KRABD5: variants seen among roughly 807,000 people sequenced by gnomAD.
KRABD5 encodes the protein KRAB domain-containing protein 5.
the KRABD5 span, among the ~76,000 whole-genome samples, chr16:31,722,442 C>G: frequency 6.6e-6 from 1 of 152,174 alleles, no homozygotes; most frequent in Non-Finnish European, 1.5e-5. Flanking sequence ...TTGTATCATT[C>G]TCTTTCCACA....
the KRABD5 span, chr16:31,761,549 T>A: frequency 6.6e-6 from 1 of 152,316 alleles, no homozygotes; most frequent in Admixed American, 6.5e-5. Context: ...TCTACAAAAA[T>A]AAACATTGAT....
chr16:31,722,482 G>A, the KRABD5 span: 1 of 871,964 alleles, frequency 1.1e-6, no homozygotes, highest in Non-Finnish European at 1.7e-6. Context: ...AAATATTATT[G>A]TGTTTAAAAG....
At chr16:31,753,694 T>G in the KRABD5 span, 1 of 1,329,378 alleles carries the variant, frequency 7.5e-7, no homozygotes, top group South Asian at 1.8e-5. Flanking sequence ...ATATAATTTG[T>G]GTATTAGATT....
chr16:31,758,932 T>G, the KRABD5 span: 1 of 154,506 alleles, frequency 6.5e-6, no homozygotes, highest in Non-Finnish European at 1.4e-5. Flanking sequence ...GTTGTAAAAT[T>G]TATAACACAT....
the KRABD5 span, among the ~76,000 whole-genome samples, chr16:31,750,974 G>A: frequency 6.6e-6 from 1 of 152,236 alleles, no homozygotes; most frequent in Non-Finnish European, 1.5e-5. Context: ...TGGCCAAGCT[G>A]GTCTCGAACT....
chr16:31,753,644 C>G, the KRABD5 span: 1 of 970,334 alleles, frequency 1.0e-6, no homozygotes, highest in African/African-American at 1.7e-5. Context: ...ACAAAGGGGC[C>G]TCAAGTTTTT....
At chr16:31,715,870 C>G in the KRABD5 span, among the ~76,000 whole-genome samples, 1 of 152,158 alleles carries the variant, frequency 6.6e-6, no homozygotes, top group African/African-American at 2.4e-5. Flanking sequence ...AGGCTGTATT[C>G]CCCTGCACAC....
At chr16:31,734,060 T>C in the KRABD5 span, among the ~76,000 whole-genome samples, 6 of 152,308 alleles carry the variant, frequency 3.9e-5, no homozygotes, top group African/African-American at 1.2e-4. Context: ...ATAGGTTTTA[T>C]GTTTAAGTTT....
chr16:31,748,128 A>G, the KRABD5 span, among the ~76,000 whole-genome samples: 6 of 152,054 alleles, frequency 3.9e-5, no homozygotes, highest in Non-Finnish European at 8.8e-5. Flanking sequence ...TTTTAGGTCT[A>G]ACATGTAAGT....
At chr16:31,740,252 C>A in the KRABD5 span, among the ~76,000 whole-genome samples, 1 of 152,150 alleles carries the variant, frequency 6.6e-6, no homozygotes, top group African/African-American at 2.4e-5. Flanking sequence ...CCATTAGTCC[C>A]TTAGACACTC....
the KRABD5 span, among the ~76,000 whole-genome samples, chr16:31,744,914 A>G: frequency 6.6e-6 from 1 of 152,062 alleles, no homozygotes; most frequent in African/African-American, 2.4e-5. Flanking sequence ...ACTTGTGTAG[A>G]GATATTTATG....
the KRABD5 span, among the ~76,000 whole-genome samples, chr16:31,718,046 C>G: frequency 6.6e-6 from 1 of 152,160 alleles, no homozygotes; most frequent in Non-Finnish European, 1.5e-5. Context: ...GGAAACCAAC[C>G]AGGCACACAC....
At chr16:31,726,732 C>T in the KRABD5 span, among the ~76,000 whole-genome samples, 1 of 152,070 alleles carries the variant, frequency 6.6e-6, no homozygotes, top group East Asian at 1.9e-4. Context: ...TGCACTCCAT[C>T]CTGAGCAACA....
At chr16:31,736,192 G>A in the KRABD5 span, among the ~76,000 whole-genome samples, 1 of 152,114 alleles carries the variant, frequency 6.6e-6, no homozygotes, top group Admixed American at 6.6e-5. Flanking sequence ...CATCTTTGTT[G>A]AAAATCAGTC....
chr16:31,743,197 A>G, the KRABD5 span, among the ~76,000 whole-genome samples: 2 of 152,110 alleles, frequency 1.3e-5, no homozygotes, highest in Non-Finnish European at 2.9e-5. Context: ...GTCTTTGCCC[A>G]TGTCTATGTC....
At chr16:31,741,601 G>A in the KRABD5 span, among the ~76,000 whole-genome samples, 1 of 151,958 alleles carries the variant, frequency 6.6e-6, no homozygotes, top group Non-Finnish European at 1.5e-5. Flanking sequence ...CTGCTTGTAT[G>A]TCTTCTTTTG....
At chr16:31,759,043 G>C in the KRABD5 span, 2 of 243,770 alleles carry the variant, frequency 8.2e-6, no homozygotes, top group Non-Finnish European at 1.6e-5. Flanking sequence ...ATATGTTAAA[G>C]ATTCATATTG....
At chr16:31,730,713 T>A in the KRABD5 span, among the ~76,000 whole-genome samples, 579 of 152,278 alleles carry the variant, frequency 3.8e-3, 1 homozygote, top group Non-Finnish European at 5.7e-3. Context: ...CTATACAGGC[T>A]ATATGCTTCC....
chr16:31,713,836 G>A, the KRABD5 span, among the ~76,000 whole-genome samples: 5 of 152,208 alleles, frequency 3.3e-5, no homozygotes, highest in African/African-American at 1.2e-4. Context: ...AAGCGTTAAA[G>A]GGTTGATTTA....
Sources: gnomAD v4.1 joint callset for allele counts (sites outside exome capture counted in the v4.1 genomes callset) on GRCh38, gnomAD v4.1.1 for gene constraint, MANE v1.5 for transcripts, NCBI Gene and HGNC (gene_info 2026-07-23, HGNC 2026-07-21) for gene names.